The following SAMMSON variants were observed in gnomAD, a reference collection of about 807,000 sequenced individuals.
SAMMSON encodes the protein survival associated mitochondrial melanoma specific oncogenic non-coding RNA, also known as long intergenic non-protein coding RNA 1212.
At chr3:70,183,238 A>G (rs1381173807) in intron 4 of SAMMSON, 1 of 152,200 alleles carries the variant, frequency 6.6e-6, no homozygotes, top group Non-Finnish European at 1.5e-5. Flanking sequence ...ATGATTATGA[A>G]TGTGCATTAT....
chr3:70,042,066 G>A (rs921700062), intron 3 of SAMMSON, among the ~76,000 whole-genome samples: 3 of 151,994 alleles, frequency 2.0e-5, no homozygotes, highest in Admixed American at 6.6e-5. Flanking sequence ...AACTTCATTC[G>A]ACACTGAAAA....
intron 2 of SAMMSON, among the ~76,000 whole-genome samples, chr3:70,408,898 A>G (rs983794701): frequency 2.0e-5 from 3 of 152,192 alleles, no homozygotes; most frequent in African/African-American, 4.8e-5. Context: ...AATTGGGCTT[A>G]CAATTCCACC....
At chr3:70,049,311 G>A (rs926240087) in intron 3 of SAMMSON, among the ~76,000 whole-genome samples, 1 of 151,966 alleles carries the variant, frequency 6.6e-6, no homozygotes, top group Non-Finnish European at 1.5e-5. Context: ...CCTTTTCCTG[G>A]GTGGCCAGGA....
At chr3:70,273,631 C>T (rs1701995622) in intron 6 of SAMMSON, among the ~76,000 whole-genome samples, 1 of 152,102 alleles carries the variant, frequency 6.6e-6, no homozygotes, top group Non-Finnish European at 1.5e-5. Flanking sequence ...TTGACAGTAT[C>T]AAAGGAGGAA....
chr3:70,416,931 A>G (rs1346923850), intron 2 of SAMMSON, among the ~76,000 whole-genome samples: 1 of 152,148 alleles, frequency 6.6e-6, no homozygotes, highest in Non-Finnish European at 1.5e-5. Context: ...TTTGAGAATG[A>G]TACTCTATAC....
chr3:70,253,747 A>T (rs1055676585), intron 6 of SAMMSON, among the ~76,000 whole-genome samples: 3 of 152,204 alleles, frequency 2.0e-5, no homozygotes, highest in African/African-American at 7.2e-5. Flanking sequence ...ATACAAATAA[A>T]AAAAGAAAAT....
rs553964030 is a variant in SAMMSON at position 70,428,295 on chromosome 3, A to T, written n.234-34265A>T. ...CAAACGGCCTAGAATAGCCAAAAAAATTTTTTTGAAGAAGAAAGAGTTAGA... is the reference window on the plus strand; with the variant it reads ...CAAACGGCCTAGAATAGCCAAAAAATTTTTTTTGAAGAAGAAAGAGTTAGA... On this transcript the variant is annotated intron_variant and non_coding_transcript_variant, in intron 2 of 3. Coordinates refer to the SAMMSON transcript ENST00000641053. Among the ~76,000 whole-genome samples, 15 of 152,270 alleles carry T rather than the reference A, an allele frequency of 9.9e-5. 1 individual carries two copies. The highest frequency in any genetic ancestry group is 2.2e-4 in the African/African-American group (9 of 41,568).
chr3:70,408,724 C>G (rs1251155141), intron 2 of SAMMSON, among the ~76,000 whole-genome samples: 1 of 152,138 alleles, frequency 6.6e-6, no homozygotes, highest in African/African-American at 2.4e-5. Flanking sequence ...CCTGAGCCCC[C>G]CAAACTGTTC....
At chr3:70,235,644 G>A (rs779859177) in intron 4 of SAMMSON, among the ~76,000 whole-genome samples, 9 of 152,000 alleles carry the variant, frequency 5.9e-5, no homozygotes, top group Non-Finnish European at 1.2e-4. Flanking sequence ...GTTTCTCTAT[G>A]ACCCCTTTGC....
chr3:70,048,472 A>C (rs2067135012), intron 3 of SAMMSON, among the ~76,000 whole-genome samples: 2 of 152,112 alleles, frequency 1.3e-5, no homozygotes, highest in Admixed American at 1.3e-4. Context: ...GTAACTTTTA[A>C]AAATGATCAT....
intron 4 of SAMMSON, among the ~76,000 whole-genome samples, chr3:70,177,958 G>A (rs1422496739): frequency 6.6e-6 from 1 of 152,174 alleles, no homozygotes; most frequent in African/African-American, 2.4e-5. Flanking sequence ...ACAGTTGGAT[G>A]TTCTCTATAT....
downstream of SAMMSON, among the ~76,000 whole-genome samples, chr3:70,394,519 C>G (rs1018405478): frequency 1.3e-5 from 2 of 151,828 alleles, no homozygotes; most frequent in Non-Finnish European, 2.9e-5. Context: ...TACCAGGGAC[C>G]GAAGAGAGGG....
intron 4 of SAMMSON, among the ~76,000 whole-genome samples, chr3:70,149,702 G>C (rs1022719123): frequency 2.0e-5 from 3 of 152,016 alleles, no homozygotes; most frequent in South Asian, 2.1e-4. Flanking sequence ...TTAGGCCATG[G>C]GGAATTTGCA....
chr3:70,274,066 T>TGTG (rs1553650995), intron 6 of SAMMSON, among the ~76,000 whole-genome samples: 1 of 147,918 alleles, frequency 6.8e-6, no homozygotes, highest in Non-Finnish European at 1.5e-5. Context: ...CGTGTGTGTG[T>TGTG]GTGTGTGTGT....
chr3:70,363,736 C>T (rs887795075), intron 9 of SAMMSON, among the ~76,000 whole-genome samples: 1 of 151,716 alleles, frequency 6.6e-6, no homozygotes, highest in African/African-American at 2.4e-5. Flanking sequence ...TTCCATGACC[C>T]TCATTAGCAT....
chr3:70,339,572 C>A (rs1284428342), intron 7 of SAMMSON, among the ~76,000 whole-genome samples: 1 of 152,134 alleles, frequency 6.6e-6, no homozygotes, highest in Non-Finnish European at 1.5e-5. Flanking sequence ...AATCAAACAA[C>A]CCCATCAGCA....
At chr3:70,224,821 GT>G (rs778734450) in intron 4 of SAMMSON, among the ~76,000 whole-genome samples, 5 of 151,980 alleles carry the variant, frequency 3.3e-5, no homozygotes, top group East Asian at 1.9e-4. Flanking sequence ...AATTTTTGCA[GT>G]TTCCCCCCCC....
chr3:70,310,287 G>T (rs1439268376), intron 7 of SAMMSON, among the ~76,000 whole-genome samples: 1 of 151,910 alleles, frequency 6.6e-6, no homozygotes, highest in East Asian at 1.9e-4. Flanking sequence ...TATTAAAATT[G>T]CTTGGTGGGG....
At chr3:70,375,392 GTTT>G (rs1422954779) in intron 9 of SAMMSON, among the ~76,000 whole-genome samples, 2 of 122,340 alleles carry the variant, frequency 1.6e-5, no homozygotes, top group Non-Finnish European at 3.4e-5. Context: ...CTGTTGAACA[GTTT>G]TTTGTTGTTT....
Sources: gnomAD v4.1 joint callset for allele counts (sites outside exome capture counted in the v4.1 genomes callset) on GRCh38, gnomAD v4.1.1 for gene constraint, MANE v1.5 for transcripts, NCBI Gene and HGNC (gene_info 2026-07-23, HGNC 2026-07-21) for gene names.